Variants in PCDH7 observed in about 807,000 individuals in gnomAD.
The protein encoded by PCDH7 is protocadherin-7.
PCDH7 carries 17 observed loss-of-function variants against 58.9 expected under a neutral mutation model. That is an observed-to-expected ratio of 0.29 (90% CI 0.20 to 0.43). The LOEUF (loss-of-function observed/expected upper bound fraction) is 0.43, where lower values mean the gene tolerates loss of function less well. Ranked by LOEUF, PCDH7 falls within the 20% of genes least tolerant of loss-of-function variation. PCDH7 has a pLI of 1.00. For missense variants in PCDH7, 1,274 were observed against 1,441.0 expected, an observed-to-expected ratio of 0.88 and a Z score of 1.88; for synonymous variants, 664 against 616.4, an observed-to-expected ratio of 1.08 and a Z score of -1.14.
chr4:30,968,310 A>ATG (rs1306180621), intron 3 of PCDH7, among the ~76,000 whole-genome samples: 1 of 68,186 alleles, frequency 1.5e-5, no homozygotes, highest in African/African-American at 9.9e-5. Flanking sequence ...CTCTATATAT[A>ATG]TATATACACT....
intron 3 of PCDH7, among the ~76,000 whole-genome samples, chr4:31,040,392 C>G (rs898308577): frequency 2.6e-5 from 4 of 152,110 alleles, no homozygotes; most frequent in African/African-American, 9.7e-5. Flanking sequence ...GCTCCTTTTG[C>G]TCAATTAAAT....
intron 3 of PCDH7, among the ~76,000 whole-genome samples, chr4:30,966,745 A>G (rs188863956): frequency 6.6e-6 from 1 of 152,248 alleles, no homozygotes; most frequent in East Asian, 1.9e-4. Flanking sequence ...CTTGTTGCAA[A>G]TAGGGAACAA....
chr4:31,028,657 CAA>C (rs5857218), intron 3 of PCDH7, among the ~76,000 whole-genome samples: 42,161 of 134,674 alleles, frequency 0.31, 7,613 homozygotes, highest in African/African-American at 0.53. Flanking sequence ...GACCCTGCTT[CAA>C]AAAAAAAAAA....
chr4:30,808,777 A>G (rs1560391668), intron 1 of PCDH7, among the ~76,000 whole-genome samples: 1 of 152,204 alleles, frequency 6.6e-6, no homozygotes, highest in Non-Finnish European at 1.5e-5. Flanking sequence ...CATACAGATA[A>G]TTAGAAAATT....
intron 3 of PCDH7, among the ~76,000 whole-genome samples, chr4:31,112,808 G>T (rs1716490759): frequency 6.6e-6 from 1 of 152,098 alleles, no homozygotes; most frequent in African/African-American, 2.4e-5. Flanking sequence ...TTCTAGGCAG[G>T]ATTTGCATAA....
At chr4:30,753,251 C>T (rs1195698448) in intron 1 of PCDH7, among the ~76,000 whole-genome samples, 3 of 152,138 alleles carry the variant, frequency 2.0e-5, no homozygotes, top group African/African-American at 4.8e-5. Flanking sequence ...TCTCATTTCC[C>T]TTCAAGTATC....
chr4:31,023,173 T>C (rs967438490), intron 3 of PCDH7, among the ~76,000 whole-genome samples: 1 of 152,202 alleles, frequency 6.6e-6, no homozygotes. Flanking sequence ...GAGCATTTAA[T>C]TGGCAAAGCA....
chr4:30,977,198 A>G (rs971626045), intron 3 of PCDH7, among the ~76,000 whole-genome samples: 1 of 152,206 alleles, frequency 6.6e-6, no homozygotes, highest in Non-Finnish European at 1.5e-5. Context: ...TAGAACTACT[A>G]TCTCTATAGG....
chr4:30,726,421 A>C (rs967518067), intron 1 of PCDH7, among the ~76,000 whole-genome samples: 2 of 152,008 alleles, frequency 1.3e-5, no homozygotes, highest in Non-Finnish European at 2.9e-5. Flanking sequence ...ACTTTTATGG[A>C]TATTTTATGC....
chr4:31,037,115 A>G (rs1001425966), intron 3 of PCDH7, among the ~76,000 whole-genome samples: 2 of 151,962 alleles, frequency 1.3e-5, no homozygotes, highest in African/African-American at 4.8e-5. Context: ...CCTTACTACC[A>G]TCTTTACCTC....
chr4:30,976,963 G>A (rs915169966), intron 3 of PCDH7, among the ~76,000 whole-genome samples: 7 of 152,102 alleles, frequency 4.6e-5, no homozygotes, highest in African/African-American at 1.7e-4. Flanking sequence ...ATAAGTAATA[G>A]CAAGTCATTT....
intron 1 of PCDH7, among the ~76,000 whole-genome samples, chr4:30,900,903 C>T (rs1020625829): frequency 6.6e-6 from 1 of 152,030 alleles, no homozygotes; most frequent in Non-Finnish European, 1.5e-5. Flanking sequence ...AGACTAATTG[C>T]TAATTGAGGG....
At chr4:30,785,782 TTTCTC>T (rs1723313485) in intron 1 of PCDH7, among the ~76,000 whole-genome samples, 1 of 152,062 alleles carries the variant, frequency 6.6e-6, no homozygotes, top group African/African-American at 2.4e-5. Context: ...AAGTGGAATA[TTTCTC>T]TTCTCTGATC....
intron 1 of PCDH7, among the ~76,000 whole-genome samples, chr4:30,755,655 T>G (rs1376359994): frequency 1.2e-4 from 18 of 152,160 alleles, no homozygotes. Flanking sequence ...TGTTTTTTGT[T>G]GCTCAGGAAT....
intron 2 of PCDH7, among the ~76,000 whole-genome samples, chr4:30,943,583 C>G (rs1746314615): frequency 6.6e-6 from 1 of 152,102 alleles, no homozygotes; most frequent in Non-Finnish European, 1.5e-5. Context: ...TGGTCTTAAC[C>G]TCTTTCGCCT....
chr4:30,898,838 G>C (rs35580687), intron 1 of PCDH7, among the ~76,000 whole-genome samples: 1 of 151,980 alleles, frequency 6.6e-6, no homozygotes, highest in Non-Finnish European at 1.5e-5. Context: ...TGATCCGCCC[G>C]CCTCGGCCTC....
At chr4:31,085,837 T>TTCTC (rs376691150) in intron 3 of PCDH7, among the ~76,000 whole-genome samples, 3 of 145,344 alleles carry the variant, frequency 2.1e-5, no homozygotes, top group Non-Finnish European at 4.5e-5. Context: ...TCAGACTCTT[T>TTCTC]TCTCTCTCTC....
At chr4:30,812,095 G>A (rs1435357176) in intron 1 of PCDH7, among the ~76,000 whole-genome samples, 1 of 152,196 alleles carries the variant, frequency 6.6e-6, no homozygotes, top group Non-Finnish European at 1.5e-5. Flanking sequence ...AACGGCAAAT[G>A]AGGCAACTGC....
intron 3 of PCDH7, among the ~76,000 whole-genome samples, chr4:31,079,668 T>C (rs1166515344): frequency 6.6e-6 from 1 of 151,788 alleles, no homozygotes. Flanking sequence ...GATAATCACA[T>C]CCCATAACAC....
Sources: allele counts gnomAD v4.1 joint callset (sites outside exome capture counted in the v4.1 genomes callset), GRCh38; gene constraint gnomAD v4.1.1; transcripts MANE v1.5; gene names NCBI Gene and HGNC (gene_info 2026-07-23, HGNC 2026-07-21).